Variants in MGAT4C observed in about 807,000 individuals in gnomAD.
MGAT4C encodes MGAT4 family member C, also known as alpha-1,3-mannosyl-glycoprotein 4-beta-N-acetylglucosaminyltransferase C.
MGAT4C carries 19 observed loss-of-function variants against 40.1 expected under a neutral mutation model. The ratio of observed to expected loss-of-function variants is 0.47; its 90% confidence interval spans 0.33 to 0.70. The LOEUF (loss-of-function observed/expected upper bound fraction) is 0.70. Ranked by LOEUF, MGAT4C falls within the 30% of genes least tolerant of loss-of-function variation. MGAT4C has a pLI of 0.02. For synonymous variants in MGAT4C, 181 were observed against 187.1 expected (o/e 0.97, Z 0.27); for missense variants, 491 against 563.2 (o/e 0.87, Z 1.30).
At chr12:86,400,138 T>C (rs1333458121) in intron 3 of MGAT4C, among the ~76,000 whole-genome samples, 1 of 152,162 alleles carries the variant, frequency 6.6e-6, no homozygotes, top group Non-Finnish European at 1.5e-5. Flanking sequence ...ATTGACTGCA[T>C]GCTTAGTAGG....
intron 1 of MGAT4C, among the ~76,000 whole-genome samples, chr12:86,784,195 T>G (rs4583046): frequency 0.8 from 121,907 of 151,958 alleles, 49,922 homozygotes; most frequent in Non-Finnish European, 0.89. Flanking sequence ...TTGTTGCAAC[T>G]ATTCTTCCAC....
chr12:86,313,749 G>C (rs745651572), intron 4 of MGAT4C, among the ~76,000 whole-genome samples: 3 of 152,114 alleles, frequency 2.0e-5, no homozygotes, highest in Admixed American at 6.6e-5. Flanking sequence ...TAATTACCAA[G>C]ATAATTAGAA....
intron 2 of MGAT4C, among the ~76,000 whole-genome samples, chr12:86,025,937 C>T (rs945994806): frequency 3.3e-5 from 5 of 151,564 alleles, no homozygotes; most frequent in Non-Finnish European, 4.4e-5. Flanking sequence ...TATATACATA[C>T]ATATATGTTT....
At chr12:86,077,673 C>T (rs141736275) in intron 1 of MGAT4C, among the ~76,000 whole-genome samples, 2,147 of 152,280 alleles carry the variant, frequency 0.014, 26 homozygotes, top group Middle Eastern at 0.037. Flanking sequence ...GTGACCCAAA[C>T]CTTCATATCT....
chr12:86,156,954 T>C (rs1204053779), intron 1 of MGAT4C, among the ~76,000 whole-genome samples: 1 of 152,168 alleles, frequency 6.6e-6, no homozygotes, highest in Non-Finnish European at 1.5e-5. Flanking sequence ...CTTCTCTTTA[T>C]TCCCATCCCC....
At chr12:86,058,413 C>T (rs1893607411) in intron 1 of MGAT4C, among the ~76,000 whole-genome samples, 1 of 151,996 alleles carries the variant, frequency 6.6e-6, no homozygotes, top group Non-Finnish European at 1.5e-5. Context: ...CAATATTATG[C>T]TAATAGTAAA....
At chr12:86,180,897 T>A in intron 1 of MGAT4C, among the ~76,000 whole-genome samples, 1 of 152,152 alleles carries the variant, frequency 6.6e-6, no homozygotes, top group East Asian at 1.9e-4. Context: ...GAAGGCATGA[T>A]TGATTTTCAA....
chr12:86,300,453 C>G (rs533052023), intron 4 of MGAT4C, among the ~76,000 whole-genome samples: 1 of 151,904 alleles, frequency 6.6e-6, no homozygotes, highest in South Asian at 2.1e-4. Context: ...TGAAATTGAT[C>G]AAAATCTGTC....
intron 2 of MGAT4C, among the ~76,000 whole-genome samples, chr12:86,458,052 A>T (rs1310839153): frequency 6.6e-6 from 1 of 152,158 alleles, no homozygotes; most frequent in East Asian, 1.9e-4. Context: ...AAACTAAAAG[A>T]CAAATCACTA....
chr12:86,132,067 C>A (rs772513554), intron 1 of MGAT4C, among the ~76,000 whole-genome samples: 2 of 152,146 alleles, frequency 1.3e-5, no homozygotes, highest in Non-Finnish European at 2.9e-5. Context: ...CAGCTTTCAA[C>A]ACCAAGCTTT....
chr12:86,492,181 T>G (rs577177885), intron 2 of MGAT4C, among the ~76,000 whole-genome samples: 3 of 152,324 alleles, frequency 2.0e-5, no homozygotes, highest in Non-Finnish European at 4.4e-5. Context: ...TCCATGCTCC[T>G]GGGTAGGAAG....
At chr12:86,560,717 A>T (rs1357148127) in intron 2 of MGAT4C, among the ~76,000 whole-genome samples, 1 of 144,168 alleles carries the variant, frequency 6.9e-6, no homozygotes, top group Non-Finnish European at 1.5e-5. Flanking sequence ...CATTTTTTAT[A>T]ATAACTGGAA....
intron 2 of MGAT4C, among the ~76,000 whole-genome samples, chr12:86,040,739 A>AAACAAAC (rs534876265): frequency 4.0e-5 from 2 of 49,464 alleles, no homozygotes; most frequent in African/African-American, 1.8e-4. Context: ...ACAAACAAAC[A>AAACAAAC]AAAAAAAAAC....
At chr12:86,603,863 G>A (rs987419781) in intron 2 of MGAT4C, among the ~76,000 whole-genome samples, 1 of 146,328 alleles carries the variant, frequency 6.8e-6, no homozygotes, top group African/African-American at 2.5e-5. Context: ...TGAAATTTGC[G>A]AAGAGAGTAT....
chr12:86,057,246 T>C (rs1403865622), intron 1 of MGAT4C, among the ~76,000 whole-genome samples: 2 of 152,100 alleles, frequency 1.3e-5, no homozygotes, highest in African/African-American at 4.8e-5. Flanking sequence ...GGCACAATCA[T>C]GGCTCACTGC....
At chr12:86,057,682 T>C (rs1893542004) in intron 1 of MGAT4C, among the ~76,000 whole-genome samples, 1 of 152,166 alleles carries the variant, frequency 6.6e-6, no homozygotes, top group African/African-American at 2.4e-5. Flanking sequence ...TTTGTGTGAA[T>C]GTCAGTATCT....
At chr12:86,183,841 T>C (rs1246709007) in intron 1 of MGAT4C, among the ~76,000 whole-genome samples, 1 of 152,198 alleles carries the variant, frequency 6.6e-6, no homozygotes, top group Non-Finnish European at 1.5e-5. Context: ...ATGACCTCAT[T>C]CAAACCTAAT....
intron 1 of MGAT4C, among the ~76,000 whole-genome samples, chr12:86,791,438 T>A (rs4415836): frequency 1.4e-5 from 2 of 145,728 alleles, no homozygotes; most frequent in African/African-American, 2.5e-5. Flanking sequence ...ACTGTTTTTT[T>A]TTTTTTTTTT....
chr12:86,636,949 ATTTG>A (rs1057196498), intron 2 of MGAT4C, among the ~76,000 whole-genome samples: 1 of 151,878 alleles, frequency 6.6e-6, no homozygotes, highest in African/African-American at 2.4e-5. Flanking sequence ...CAACATAGTA[ATTTG>A]TTTGTATTAA....
Sources: gnomAD v4.1 joint callset for allele counts (sites outside exome capture counted in the v4.1 genomes callset) on GRCh38, gnomAD v4.1.1 for gene constraint, MANE v1.5 for transcripts, NCBI Gene and HGNC (gene_info 2026-07-23, HGNC 2026-07-21) for gene names.